The following GALM variants were observed in gnomAD, a reference collection of about 807,000 sequenced individuals.
GALM encodes the protein galactose mutarotase.
A neutral mutation model predicts 37.4 loss-of-function variants in GALM; 43 were observed. The ratio of observed to expected loss-of-function variants is 1.15; its 90% confidence interval spans 0.90 to 1.48. The LOEUF is 1.48. Ranked by LOEUF, GALM falls within the 40% of genes most tolerant of loss-of-function variation. The probability of loss-of-function intolerance (pLI) is 0.00; values close to 1 mark genes in which losing one functional copy is unlikely to be tolerated. For missense variants in GALM, 456 were observed against 419.1 expected (o/e 1.09, Z -0.77); for synonymous variants, 199 against 170.6 (o/e 1.17, Z -1.30).
At chr2:38,725,411 C>G (rs1324653997) in intron 4 of GALM, among the ~76,000 whole-genome samples, 1 of 151,880 alleles carries the variant, frequency 6.6e-6, no homozygotes, top group Non-Finnish European at 1.5e-5. Flanking sequence ...TGGTACATGC[C>G]TGGGGTCCCA....
chr2:38,713,167 G>A lies in GALM; in HGVS notation c.635-16389G>A, dbSNP rs943603088. 1.1e-4 allele frequency among the ~76,000 whole-genome samples: 17 copies of A among 152,218 alleles called. 1 individual carries two copies. Among genetic ancestry groups the A allele is most frequent in the East Asian group, 3.9e-4 (2 of 5,168 alleles). ...GCTCCCTAATCACACCATTGTCACC[G>A]GAGCCTACCCAAGCTGCTGGGAAGT... On this transcript the variant is annotated intron_variant, in intron 4 of 6. Coordinates refer to ENST00000272252, the MANE Select transcript of GALM (RefSeq NM_138801.3).
intron 3 of GALM, among the ~76,000 whole-genome samples, chr2:38,689,128 C>G (rs1665611939): frequency 6.6e-6 from 1 of 152,078 alleles, no homozygotes; most frequent in South Asian, 2.1e-4. Flanking sequence ...CCTCATTAGC[C>G]CAATTTTAAA....
intron 2 of GALM, among the ~76,000 whole-genome samples, chr2:38,676,940 G>A (rs924884394): frequency 6.6e-6 from 1 of 152,174 alleles, no homozygotes; most frequent in Non-Finnish European, 1.5e-5. Context: ...CCCGCCCCAT[G>A]CAGCATGGCG....
chr2:38,676,774 A>T (rs547679848), intron 2 of GALM, among the ~76,000 whole-genome samples: 97 of 152,260 alleles, frequency 6.4e-4, no homozygotes, highest in African/African-American at 1.9e-3. Flanking sequence ...AAAAAATAAA[A>T]AATAAATAAT....
At chr2:38,698,577 C>T (rs1665857537) in intron 4 of GALM, 1 of 359,682 alleles carries the variant, frequency 2.8e-6, no homozygotes, top group African/African-American at 2.2e-5. Flanking sequence ...GATGGGAGCA[C>T]ACTCTGTTGT....
At chr2:38,696,670 C>T (rs1665812590) in intron 4 of GALM, among the ~76,000 whole-genome samples, 1 of 150,128 alleles carries the variant, frequency 6.7e-6, no homozygotes, top group African/African-American at 2.4e-5. Flanking sequence ...TGATGTCTCA[C>T]TATGTTGCCC....
intron 1 of GALM, among the ~76,000 whole-genome samples, chr2:38,666,650 A>G (rs1428453218): frequency 6.6e-6 from 1 of 152,182 alleles, no homozygotes; most frequent in Non-Finnish European, 1.5e-5. Flanking sequence ...GCGATCTTTG[A>G]ACTGCCTAAT....
intron 3 of GALM, among the ~76,000 whole-genome samples, chr2:38,681,770 G>C (rs934654976): frequency 2.6e-5 from 4 of 152,214 alleles, no homozygotes; most frequent in Non-Finnish European, 5.9e-5. Context: ...ATTGTAACAT[G>C]TGCTTATATT....
At chr2:38,717,592 G>T (rs1454823466) in intron 4 of GALM, among the ~76,000 whole-genome samples, 1 of 151,934 alleles carries the variant, frequency 6.6e-6, no homozygotes, top group Non-Finnish European at 1.5e-5. Context: ...CAGAAACAGG[G>T]TTTTGCCGTG....
chr2:38,674,110 G>T (rs1022446499), intron 1 of GALM, among the ~76,000 whole-genome samples: 1 of 151,976 alleles, frequency 6.6e-6, no homozygotes, highest in East Asian at 1.9e-4. Context: ...TTGTGTTTTA[G>T]TCCTTGTTTA....
At chr2:38,703,884 A>G (rs116108740) in intron 4 of GALM, among the ~76,000 whole-genome samples, 2,230 of 152,020 alleles carry the variant, frequency 0.015, 49 homozygotes, top group African/African-American at 0.049. Flanking sequence ...GTGTGGTGGC[A>G]TGTGCCTATA....
intron 4 of GALM, among the ~76,000 whole-genome samples, chr2:38,720,554 G>A (rs909672125): frequency 2.0e-5 from 3 of 151,952 alleles, no homozygotes; most frequent in Non-Finnish European, 4.4e-5. Context: ...CAGTATACTA[G>A]CAATCTATTG....
chr2:38,672,273 T>C (rs1665127929), intron 1 of GALM, among the ~76,000 whole-genome samples: 1 of 152,142 alleles, frequency 6.6e-6, no homozygotes, highest in Non-Finnish European at 1.5e-5. Context: ...GACTCAAAAA[T>C]CTCTACAGTC....
chr2:38,699,700 G>C (rs1665878453), intron 4 of GALM, among the ~76,000 whole-genome samples: 1 of 152,092 alleles, frequency 6.6e-6, no homozygotes, highest in Non-Finnish European at 1.5e-5. Flanking sequence ...GATCATTCAG[G>C]AGCATATTGT....
At chr2:38,693,018 T>C (rs780656186) in intron 4 of GALM, among the ~76,000 whole-genome samples, 8 of 152,166 alleles carry the variant, frequency 5.3e-5, no homozygotes, top group Non-Finnish European at 1.2e-4. Context: ...CCAGGCTCTG[T>C]GGAACTGCAA....
At chr2:38,721,902 T>C (rs926193957) in intron 4 of GALM, among the ~76,000 whole-genome samples, 1 of 152,114 alleles carries the variant, frequency 6.6e-6, no homozygotes. Flanking sequence ...TGACCTGTCT[T>C]TGCAACCTTC....
intron 4 of GALM, among the ~76,000 whole-genome samples, chr2:38,723,815 A>AAAAAC (rs1666429872): frequency 6.6e-6 from 1 of 152,078 alleles, no homozygotes; most frequent in Non-Finnish European, 1.5e-5. Context: ...AAAAAAAAGC[A>AAAAAC]AAAACAAAAA....
intron 1 of GALM, among the ~76,000 whole-genome samples, chr2:38,675,536 TTTTTTTTTGTGTGTGTG>T (rs1434786839): frequency 1.1e-5 from 1 of 93,082 alleles, no homozygotes; most frequent in African/African-American, 4.9e-5. Context: ...GTTTTTTTTT[TTTTTTTTTGTGTGTGTG>T]TGTGTGTGTG....
chr2:38,670,147 A>C (rs1050425485), intron 1 of GALM, among the ~76,000 whole-genome samples: 1 of 151,810 alleles, frequency 6.6e-6, no homozygotes, highest in Non-Finnish European at 1.5e-5. Context: ...TACAGGTGTG[A>C]GCCACCACGC....
Sources: gnomAD v4.1 joint callset for allele counts (sites outside exome capture counted in the v4.1 genomes callset) on GRCh38, gnomAD v4.1.1 for gene constraint, MANE v1.5 for transcripts, NCBI Gene and HGNC (gene_info 2026-07-23, HGNC 2026-07-21) for gene names.